The following AGT variants were observed in gnomAD, a reference collection of about 807,000 sequenced individuals.
AGT encodes angiotensinogen, also known as alpha-1 antiproteinase, antitrypsin.
Under a neutral mutation model 28.1 loss-of-function variants are expected in AGT, and 26 were observed. That is an observed-to-expected ratio of 0.92 (90% confidence interval 0.68 to 1.28). The LOEUF is 1.28. AGT is among the 50% of genes most tolerant of loss of function. The pLI, the probability that AGT is intolerant of heterozygous loss-of-function variation, is 0.00. For synonymous variants in AGT, 259 were observed against 259.6 expected, an observed-to-expected ratio of 1.00 and a Z score of 0.02; for missense variants, 596 against 592.3, an observed-to-expected ratio of 1.01 and a Z score of -0.06.
chr1:230,706,224 G>A (rs756480468), intron 2 of AGT, 24 bp from the exon 3 acceptor site: 50 of 1,610,804 alleles, frequency 3.1e-5, no homozygotes, highest in Non-Finnish European at 4.0e-5. Flanking sequence ...AGGAGACAGG[G>A]AGGGAAGAGT....
intron 1 of AGT, among the ~76,000 whole-genome samples, chr1:230,724,217 A>T (rs1663895149): frequency 1.3e-5 from 2 of 152,208 alleles, no homozygotes; most frequent in African/African-American, 4.8e-5. Flanking sequence ...AATATTTATT[A>T]CATGGCCCTT....
Position 230,704,229 on chromosome 1 carries a change from C to G in AGT, c.1206G>C (p.Leu402=), listed in dbSNP as rs573313754. 1 of 1,614,238 alleles carries G rather than the reference C, an allele frequency of 6.2e-7. No individual in the cohort carries two copies. Among genetic ancestry groups the G allele is most frequent in the Admixed American group, 1.7e-5 (1 of 60,028 alleles). Residue 402 remains leucine (L), a synonymous_variant, in exon 4 of 5, where the codon CTG becomes CTC. Coordinates refer to ENST00000366667, the MANE Select transcript of AGT (RefSeq NM_001384479.1). The part of the protein sequence containing the change: ...LPAILHTELN[L]QKLSNDRIRV... ...TGATGCGGTCATTGCTCAATTTTTG[C>G]AGGTTCAGCTCGGTGTGCAGAATGG...
Position 230,706,012 on chromosome 1 carries a change from A to G in AGT, c.1018T>C (p.Tyr340His), listed in dbSNP as rs1162641435. The G allele has an allele frequency of 6.2e-7, 1 of 1,614,130 alleles. No individual in the cohort carries two copies. Among genetic ancestry groups the G allele is most frequent in the African/African-American group, 1.3e-5 (1 of 75,032 alleles). ...SACLLLIQPH[Y>H]ASDLDKVEGL... is the part of the protein sequence containing the mutation. ...TCCACCTTGTCCAGGTCAGAGGCAT[A>G]GTGAGGCTGGATCAGCAGCAGGCAG... Residue 340 changes from tyrosine (Y) to histidine (H), a missense_variant, in exon 3 of 5, where the codon TAT becomes CAT. Physicochemically the swap from Tyr to His is moderately conservative, Grantham distance 83. Transcript: ENST00000366667.
chr1:230,736,181 G>A (rs2102805570), intron 1 of AGT, among the ~76,000 whole-genome samples: 1 of 152,190 alleles, frequency 6.6e-6, no homozygotes, highest in African/African-American at 2.4e-5. Context: ...GTGTGTGTGT[G>A]TGTGTGTGTT....
intron 4 of AGT, 62 bp downstream of exon 4, chr1:230,704,131 A>G: frequency 6.2e-7 from 1 of 1,612,958 alleles, no homozygotes; most frequent in Non-Finnish European, 8.5e-7. Context: ...CCTTACATCC[A>G]TGCCTCCCAC....
In AGT at chr1:230,702,782, T is replaced by C. The variant is rs1663268624; in HGVS notation, c.*359A>G. On this transcript the variant is annotated 3_prime_UTR_variant, in exon 5 of 5. Transcript: ENST00000366667. ...TTAAAACCCAATTTTTGTTCTCAAC[T>C]TGAAAAGGGAACACTTTTTTGTTTC... 1.5e-5 allele frequency: 4 copies of C among 268,464 alleles called. No individual in the cohort carries two copies. The highest frequency in any genetic ancestry group is 2.9e-5 in the Non-Finnish European group (4 of 139,774). The allele number at this position is 268,464 out of a possible 1,614,324, so 16.6% of individuals were successfully genotyped here. A position where few individuals can be genotyped will look rare whatever the true frequency, so the allele number is the denominator to read the frequency against.
chr1:230,726,246 C>T (rs1277787477), intron 1 of AGT, among the ~76,000 whole-genome samples: 1 of 152,160 alleles, frequency 6.6e-6, no homozygotes, highest in Non-Finnish European at 1.5e-5. Flanking sequence ...ATCTTATTCT[C>T]CCTAAGACAT....
At chr1:230,720,191 A>G (rs1353821172) in intron 1 of AGT, among the ~76,000 whole-genome samples, 1 of 152,148 alleles carries the variant, frequency 6.6e-6, no homozygotes, top group Non-Finnish European at 1.5e-5. Flanking sequence ...TGACTTCACC[A>G]AGCTCACTGT....
At position 230,737,414 on chromosome 1, in the gene AGT, C is replaced by G. The variant is rs114477628; in HGVS notation, c.-31+8101G>C. On this transcript the variant is annotated intron_variant, in intron 1 of 4. Transcript: ENST00000681269. ...GCAACCTCTGCCTCCCAGGTTCAAG[C>G]GATTCCCTGGCCCCAGCTTCCTGAG... Among the ~76,000 whole-genome samples, 648 of 152,150 alleles carry G rather than the reference C, an allele frequency of 4.3e-3. 4 individuals are homozygous for G. Among genetic ancestry groups the G allele is most frequent in the African/African-American group, 0.014 (572 of 41,512 alleles).
At chr1:230,723,072 G>A (rs1031331731) in intron 1 of AGT, among the ~76,000 whole-genome samples, 16 of 152,118 alleles carry the variant, frequency 1.1e-4, no homozygotes, top group Non-Finnish European at 1.9e-4. Context: ...TCATGGGGAC[G>A]ATTTCCCCTA....
chr1:230,708,950 G>A (rs577696724), intron 2 of AGT, among the ~76,000 whole-genome samples: 23 of 152,090 alleles, frequency 1.5e-4, no homozygotes, highest in Non-Finnish European at 3.2e-4. Context: ...CAAGCCAACC[G>A]CCCCATCCTC....
chr1:230,708,890 G>T (rs760153445), intron 2 of AGT, among the ~76,000 whole-genome samples: 4 of 152,148 alleles, frequency 2.6e-5, no homozygotes, highest in Non-Finnish European at 5.9e-5. Flanking sequence ...CGTTCAAAGT[G>T]TCTCCAGCTC....
chr1:230,728,194 A>C (rs1663986308), intron 1 of AGT, among the ~76,000 whole-genome samples: 1 of 152,200 alleles, frequency 6.6e-6, no homozygotes, highest in African/African-American at 2.4e-5. Flanking sequence ...AAGGAATCTG[A>C]AAAGGCCAAT....
chr1:230,730,157 G>A (rs1454173002), intron 1 of AGT, among the ~76,000 whole-genome samples: 1 of 151,910 alleles, frequency 6.6e-6, no homozygotes, highest in Non-Finnish European at 1.5e-5. Flanking sequence ...CTGACCTCAG[G>A]TGATCCACCT....
intron 1 of AGT, among the ~76,000 whole-genome samples, chr1:230,733,955 C>A (rs1352685559): frequency 4.6e-5 from 7 of 152,128 alleles, no homozygotes; most frequent in African/African-American, 1.7e-4. Flanking sequence ...CCAGGCTCCA[C>A]CTTTGTGATG....
At chr1:230,722,304 G>A (rs1196488535) in intron 1 of AGT, among the ~76,000 whole-genome samples, 1 of 152,250 alleles carries the variant, frequency 6.6e-6, no homozygotes, top group Non-Finnish European at 1.5e-5. Flanking sequence ...GGATGTCCAG[G>A]CAGAAGTCTA....
At position 230,704,070 on chromosome 1, in the gene AGT, C is replaced by A. The variant is rs1457254419; in HGVS notation, c.1242+123G>T. On this transcript the variant is annotated intron_variant, in intron 4 of 4. Coordinates refer to ENST00000366667, the MANE Select transcript of AGT (RefSeq NM_001384479.1). Reference sequence around the variant, plus strand: ...TACTTCTCTCCCACCTTTGGCCCTACTCTCCGCTCCCTCTTGCCCTGCTGG... The same window carrying A: ...TACTTCTCTCCCACCTTTGGCCCTAATCTCCGCTCCCTCTTGCCCTGCTGG... 10 of 1,473,970 alleles carry A rather than the reference C, an allele frequency of 6.8e-6. No homozygotes were observed. In the East Asian group the frequency reaches 2.4e-4, roughly 35 times the overall value. 91.3% of individuals were successfully genotyped at this position (1,473,970 alleles called of 1,614,324 possible). A position where few individuals can be genotyped will look rare whatever the true frequency, so the allele number is the denominator to read the frequency against.
chr1:230,727,784 C>T (rs1180147291), intron 1 of AGT, among the ~76,000 whole-genome samples: 1 of 152,144 alleles, frequency 6.6e-6, no homozygotes, highest in African/African-American at 2.4e-5. Flanking sequence ...AATTATATGA[C>T]AATTTCCTGC....
chr1:230,703,963 C>T (rs1179235329), intron 4 of AGT, among the ~76,000 whole-genome samples: 2 of 152,172 alleles, frequency 1.3e-5, no homozygotes, highest in Non-Finnish European at 2.9e-5. Context: ...GACCATGGAA[C>T]ACACACCTAG....
Sources: gnomAD v4.1 joint callset for allele counts (sites outside exome capture counted in the v4.1 genomes callset) on GRCh38, gnomAD v4.1.1 for gene constraint, MANE v1.5 for transcripts, NCBI Gene and HGNC (gene_info 2026-07-23, HGNC 2026-07-21) for gene names.